Variants in STRBP observed in about 807,000 individuals in gnomAD.
The protein encoded by STRBP is spermatid perinuclear RNA-binding protein.
In STRBP, 13 loss-of-function variants were observed where a neutral mutation model predicts 80.1. The observed-to-expected ratio is 0.16, with a 90% CI of 0.11 to 0.26. STRBP has a LOEUF of 0.26. Ranked by LOEUF, STRBP falls within the 10% of genes least tolerant of loss-of-function variation. The pLI is 1.00. For missense variants in STRBP, 485 were observed against 815.2 expected (o/e 0.59, Z 4.93); for synonymous variants, 284 against 291.2 (o/e 0.98, Z 0.25).
chr9:123,183,692 A>G (rs931629553), intron 3 of STRBP, among the ~76,000 whole-genome samples: 3 of 152,198 alleles, frequency 2.0e-5, no homozygotes, highest in African/African-American at 7.2e-5. Flanking sequence ...TTATTTTAAA[A>G]GTATGAAAAA....
At chr9:123,237,255 T>C (rs114485530) in intron 1 of STRBP, among the ~76,000 whole-genome samples, 343 of 152,298 alleles carry the variant, frequency 2.3e-3, no homozygotes, top group African/African-American at 7.2e-3. Flanking sequence ...GGCAGAAAAT[T>C]GCTAACTACC....
intron 6 of STRBP, among the ~76,000 whole-genome samples, chr9:123,163,513 G>A (rs1398469482): frequency 6.6e-6 from 1 of 152,160 alleles, no homozygotes; most frequent in African/African-American, 2.4e-5. Context: ...GTTTCTTCAT[G>A]CTCTGATAGT....
At chr9:123,135,391 CCTCA>C (rs917789248) in intron 16 of STRBP, among the ~76,000 whole-genome samples, 2 of 152,094 alleles carry the variant, frequency 1.3e-5, no homozygotes, top group African/African-American at 4.8e-5. Context: ...TTACTCTTTC[CCTCA>C]CTATCAGGCA....
chr9:123,200,762 T>TTTTTTTTTTTTTTTTTTA (rs1554762956), intron 2 of STRBP, among the ~76,000 whole-genome samples: 1 of 133,554 alleles, frequency 7.5e-6, no homozygotes, highest in African/African-American at 2.9e-5. Flanking sequence ...TTTTTTTTTT[T>TTTTTTTTTTTTTTTTTTA]AGTAGAGACC....
chr9:123,252,706 T>C (rs1361847094), intron 1 of STRBP, among the ~76,000 whole-genome samples: 1 of 152,240 alleles, frequency 6.6e-6, no homozygotes, highest in Non-Finnish European at 1.5e-5. Flanking sequence ...TGGCTGCTAT[T>C]GCTATACCTT....
intron 11 of STRBP, among the ~76,000 whole-genome samples, chr9:123,151,492 C>T (rs573763227): frequency 6.6e-6 from 1 of 152,132 alleles, no homozygotes; most frequent in South Asian, 2.1e-4. Context: ...ACATGTTCTT[C>T]GATGACAGCA....
chr9:123,196,209 T>C lies in STRBP; in HGVS notation c.-164-11911A>G, dbSNP rs189262402. The stretch of plus-strand genomic sequence containing the variant: ...GAAATTAGACCCCTATCTTTCATCA[T>C]ATACAAAAATCAAATCAAAGTGGAT... On this transcript the variant is annotated intron_variant, in intron 2 of 18. Transcript: ENST00000348403. Among the ~76,000 whole-genome samples, 251 of 152,306 alleles carry C rather than the reference T, an allele frequency of 1.6e-3. 1 individual carries two copies. Among genetic ancestry groups the C allele is most frequent in the African/African-American group, 5.9e-3 (246 of 41,568 alleles).
chr9:123,245,628 T>TC (rs1173208731), intron 1 of STRBP, among the ~76,000 whole-genome samples: 2 of 152,092 alleles, frequency 1.3e-5, no homozygotes, highest in Non-Finnish European at 2.9e-5. Flanking sequence ...TGATCCGCCC[T>TC]CCTCAGCCTC....
Position 123,132,952 on chromosome 9 carries a change from T to C in STRBP, c.1790A>G (p.Asn597Ser). The C allele has an allele frequency of 6.2e-7, 1 of 1,613,982 alleles. No individual in the cohort carries two copies. The highest frequency in any genetic ancestry group is 2.2e-5 in the East Asian group (1 of 44,886). The change falls in exon 17 of 19, where the codon AAT becomes AGT. Residue 597 changes from asparagine (N) to serine (S), a missense_variant. Around this residue, in one of 3 missense-constraint regions of STRBP, gnomAD observed 85 missense variants for 120.1 expected, o/e 0.71. Transcript: ENST00000348403. ...KIIPQAKGVV[N>S]TAVSAAVQAV... ...TTGGACTGCTGCAGACACAGCTGTA[T>C]TCACAACGCCCTTTGCCTGTTAAAA...
intron 11 of STRBP, among the ~76,000 whole-genome samples, chr9:123,152,490 T>C (rs1366162282): frequency 6.6e-6 from 1 of 152,002 alleles, no homozygotes; most frequent in East Asian, 1.9e-4. Flanking sequence ...TGTCCTACAA[T>C]AGGTAAACAG....
intron 16 of STRBP, 112 bp from the exon 17 acceptor site, chr9:123,133,080 C>A: frequency 1.5e-6 from 2 of 1,323,524 alleles, no homozygotes; most frequent in Non-Finnish European, 1.0e-6. Context: ...TGGGTGAGAC[C>A]ATGAGCTGTC....
At chr9:123,212,591 A>G (rs574054574) in intron 2 of STRBP, 1 of 152,318 alleles carries the variant, frequency 6.6e-6, no homozygotes, top group South Asian at 2.1e-4. Flanking sequence ...TCACCTGTCA[A>G]ACATTCCCAG....
chr9:123,206,217 A>G (rs980525601), intron 2 of STRBP, among the ~76,000 whole-genome samples: 3 of 151,974 alleles, frequency 2.0e-5, no homozygotes, highest in African/African-American at 7.3e-5. Flanking sequence ...CTGCAAGTAC[A>G]TTCCTATGAG....
Position 123,139,685 on chromosome 9 carries a change from T to C in STRBP, c.1341A>G (p.Val447=), listed in dbSNP as rs1255567520. 6 of 1,609,050 alleles carry C rather than the reference T, an allele frequency of 3.7e-6. No homozygotes were observed. The South Asian group carries it at 6.7e-5, about 18-fold the overall frequency. ...CTGTTGGATATCCCATTGCCTGCAA[T>C]ACCTGTACAAATTACATTAAAATGC... is the stretch of plus-strand genomic sequence containing the variant. ...KTAKLHVAVK[V]LQAMGYPTGF... is the part of the protein sequence containing the mutation. The change falls in exon 14 of 19, where the codon GTA becomes GTG. Residue 447 remains valine, a splice_region_variant and synonymous_variant. Coordinates refer to ENST00000348403, the MANE Select transcript of STRBP (RefSeq NM_018387.5).
At chr9:123,129,667 G>A (rs1370283328) in intron 17 of STRBP, among the ~76,000 whole-genome samples, 5 of 152,170 alleles carry the variant, frequency 3.3e-5, no homozygotes, top group African/African-American at 1.2e-4. Context: ...ATTGCATTGT[G>A]TTTATTCAAT....
At chr9:123,206,620 A>AT (rs943183463) in intron 2 of STRBP, among the ~76,000 whole-genome samples, 9 of 150,936 alleles carry the variant, frequency 6.0e-5, no homozygotes, top group East Asian at 3.9e-4. Context: ...CCATAATAAG[A>AT]TTTTTTTTTC....
chr9:123,187,286 G>A (rs77452221), intron 2 of STRBP, among the ~76,000 whole-genome samples: 6 of 140,360 alleles, frequency 4.3e-5, no homozygotes, highest in African/African-American at 1.5e-4. Flanking sequence ...AAAAAAAAAA[G>A]TCTATGTGAC....
chr9:123,121,442 A>G (rs186525691), downstream of STRBP: 9 of 152,314 alleles, frequency 5.9e-5, no homozygotes, highest in African/African-American at 1.9e-4. Context: ...TAAGGTGGGA[A>G]ATAAATAATC....
chr9:123,259,037 A>T (rs977905056), intron 1 of STRBP, among the ~76,000 whole-genome samples: 17 of 148,320 alleles, frequency 1.1e-4, no homozygotes, highest in Non-Finnish European at 1.9e-4. Context: ...TACTGTATTA[A>T]GAATAGACTA....
Sources: gnomAD v4.1 joint callset for allele counts (sites outside exome capture counted in the v4.1 genomes callset) on GRCh38, gnomAD v4.1.1 for gene constraint, gnomAD v4.1.1 regional missense constraint, MANE v1.5 for transcripts, NCBI Gene and HGNC (gene_info 2026-07-23, HGNC 2026-07-21) for gene names.